Variants in CPLANE1 observed in about 807,000 individuals in gnomAD.
CPLANE1 encodes ciliogenesis and planar polarity effector complex subunit 1, also known as ciliogenesis and planar polarity effector 1.
CPLANE1 carries 263 observed loss-of-function variants against 362.5 expected under a neutral mutation model. That is an observed-to-expected ratio of 0.73 (90% CI 0.66 to 0.80). CPLANE1 has a LOEUF of 0.80. Ranked by LOEUF, CPLANE1 falls within the 30% of genes least tolerant of loss-of-function variation. The probability of loss-of-function intolerance (pLI) is 0.00; values close to 1 mark genes in which losing one functional copy is unlikely to be tolerated. For synonymous variants in CPLANE1, 1,212 were observed against 1,302.6 expected (o/e 0.93, Z 1.50); for missense variants, 3,461 against 3,793.4 (o/e 0.91, Z 2.30).
At chr5:37,215,739 CTTTTTTTTTTTT>C (rs567527656) in intron 15 of CPLANE1, among the ~76,000 whole-genome samples, 3 of 95,224 alleles carry the variant, frequency 3.2e-5, no homozygotes, top group South Asian at 4.0e-4. Flanking sequence ...CTTCTCTTTC[CTTTTTTTTTTTT>C]TTTTTTTTTT....
At chr5:37,098,257 T>A in the CPLANE1 span, among the ~76,000 whole-genome samples, 1 of 151,528 alleles carries the variant, frequency 6.6e-6, no homozygotes, top group East Asian at 1.9e-4. Context: ...CTGGGCATGG[T>A]GGCAGGCACC....
At chr5:37,086,850 G>A in the CPLANE1 span, among the ~76,000 whole-genome samples, 2 of 152,104 alleles carry the variant, frequency 1.3e-5, no homozygotes, top group Non-Finnish European at 2.9e-5. Flanking sequence ...GTTAAGTCAG[G>A]GTCTGCAGGA....
chr5:37,183,449 T>G lies in CPLANE1; in HGVS notation c.4732A>C (p.Thr1578Pro). 6.2e-7 allele frequency: 1 copy of G among 1,613,544 alleles called. No homozygotes were observed. Among genetic ancestry groups the G allele is most frequent in the Non-Finnish European group, 8.5e-7 (1 of 1,179,628 alleles). ...YSRDADIPFL[T>P]SFSGKLREHE... The stretch of plus-strand genomic sequence containing the variant: ...TCTCTAAGCTTTCCAGAAAAACTAG[T>G]TAGAAATGGAATGTCAGCATCCCTG... Residue 1578 changes from threonine (T) to proline (P), a missense_variant, in exon 26 of 53, where the codon ACT becomes CCT. This residue lies in a region of CPLANE1 where 3,380 missense variants were observed against 3,666.1 expected (regional missense o/e 0.92). Coordinates refer to ENST00000651892, the MANE Select transcript of CPLANE1 (RefSeq NM_001384732.1).
intron 8 of CPLANE1, among the ~76,000 whole-genome samples, chr5:37,231,497 G>A (rs1049992321): frequency 3.3e-5 from 5 of 151,894 alleles, no homozygotes; most frequent in African/African-American, 9.7e-5. Context: ...AACTGGGGAG[G>A]CAGAGGTTGC....
At position 37,120,316 on chromosome 5, in the gene CPLANE1, A is replaced by G. The variant is rs777044024; in HGVS notation, c.9210T>C (p.Phe3070=). 1 of 1,590,434 alleles carries G rather than the reference A, an allele frequency of 6.3e-7. No homozygotes were observed. Among genetic ancestry groups the G allele is most frequent in the Non-Finnish European group, 8.5e-7 (1 of 1,172,124 alleles). ...PRGENQHGHS[F]LINRPGKVKY... ...TGACTTTTCCAGGTCGATTTATTAG[A>G]AAACTGTGACCATGTTGATTCTCTC... Residue 3070 remains phenylalanine (F), a synonymous_variant, in exon 50 of 53, where the codon TTT becomes TTC. Coordinates refer to ENST00000651892, the MANE Select transcript of CPLANE1 (RefSeq NM_001384732.1).
rs374144275 is a variant in CPLANE1 at position 37,120,306 on chromosome 5, G to A, written c.9220C>T (p.Arg3074Ter). 3.5e-5 allele frequency: 55 copies of A among 1,592,296 alleles called. No individual in the cohort carries two copies. The African/African-American group carries it at 6.4e-4, about 18-fold the overall frequency. The change falls in exon 50 of 53, where the codon CGA becomes TGA. Residue 3074 changes from arginine to a stop codon, truncating the protein, a stop_gained. Coordinates refer to ENST00000651892, the MANE Select transcript of CPLANE1 (RefSeq NM_001384732.1). LOFTEE classifies it high-confidence loss of function. ...GACATATATTTGACTTTTCCAGGTC[G>A]ATTTATTAGAAAACTGTGACCATGT... is the stretch of plus-strand genomic sequence containing the variant. ...NQHGHSFLIN[R>*]PGKVKYMSKP... is the part of the protein sequence containing the mutation.
intron 48 of CPLANE1, among the ~76,000 whole-genome samples, chr5:37,122,108 A>C (rs1263054687): frequency 6.6e-6 from 1 of 152,182 alleles, no homozygotes; most frequent in Non-Finnish European, 1.5e-5. Context: ...CAGATTTCTG[A>C]AAATGATTAG....
Position 37,219,975 on chromosome 5 carries a change from A to G in CPLANE1, c.2746+1349T>C, listed in dbSNP as rs555398484. 2.6e-5 allele frequency among the ~76,000 whole-genome samples: 4 copies of G among 152,246 alleles called. No homozygotes were observed. In the South Asian group the frequency reaches 8.3e-4, roughly 32 times the overall value. On this transcript the variant is annotated intron_variant, in intron 15 of 52. Coordinates refer to ENST00000651892, the MANE Select transcript of CPLANE1 (RefSeq NM_001384732.1). ...AAAGATAAAAATCAGAAAGTAAGCC[A>G]AGCACAGTGGCTCACACCTATAATC...
Position 37,169,310 on chromosome 5 carries a change from G to A in CPLANE1, c.6714C>T (p.Pro2238=), listed in dbSNP as rs1368027920. 6.2e-7 allele frequency: 1 copy of A among 1,613,988 alleles called. No homozygotes were observed. Among genetic ancestry groups the A allele is most frequent in the Non-Finnish European group, 8.5e-7 (1 of 1,180,028 alleles). The change falls in exon 34 of 53, where the codon CCC becomes CCT. Residue 2238 remains proline (P), a synonymous_variant. Transcript: ENST00000651892. ...GAATACTTCCTGTATGTAAGAAAAG[G>A]GGCTGGAATTCTTGTTTAGACTTAA... ...LQFKSKQEFQ[P]LFLHTGSIPQ... is the part of the protein sequence containing the mutation.
rs1791948734 is a variant in CPLANE1 at position 37,209,407 on chromosome 5, G to C, written c.2921-2982C>G. 4 of 1,263,758 alleles carry C rather than the reference G, an allele frequency of 3.2e-6. No homozygotes were observed. The highest frequency in any genetic ancestry group is 3.5e-6 in the Non-Finnish European group (3 of 863,294). The allele number at this position is 1,263,758 out of a possible 1,614,324, so 78.3% of individuals were successfully genotyped here. A position where few individuals can be genotyped will look rare whatever the true frequency, so the allele number is the denominator to read the frequency against. ...ATGCTCCCCGTGGCTGATGTGTTGA[G>C]TCAAAATGAACTGCGCAAAAAGCTA... On this transcript the variant is annotated intron_variant, in intron 16 of 52. Transcript: ENST00000651892. The surrounding 1 kb of genome is among the most constrained non-coding windows in gnomAD (Gnocchi z 4.6).
chr5:37,106,541 A>G lies in CPLANE1; in HGVS notation c.*1061T>C, dbSNP rs1219835730. The G allele has an allele frequency of 4.7e-6, 2 of 425,638 alleles. No individual in the cohort carries two copies. Among genetic ancestry groups the G allele is most frequent in the Non-Finnish European group, 6.3e-6 (2 of 318,154 alleles). 26.4% of individuals were successfully genotyped at this position (425,638 alleles called of 1,614,324 possible). ...ACAATTTAAAATATTTTAAATGACA[A>G]AACAATTAAATGACAATTAACAATA... On this transcript the variant is annotated 3_prime_UTR_variant, in exon 53 of 53. Coordinates refer to ENST00000651892, the MANE Select transcript of CPLANE1 (RefSeq NM_001384732.1).
At chr5:37,187,165 A>AT (rs1784321249) in intron 23 of CPLANE1, among the ~76,000 whole-genome samples, 1 of 150,798 alleles carries the variant, frequency 6.6e-6, no homozygotes, top group South Asian at 2.1e-4. Context: ...TTTGACCAAG[A>AT]TCTCCCCATT....
At chr5:37,108,971 G>A (rs1333475965) in intron 51 of CPLANE1, among the ~76,000 whole-genome samples, 1 of 152,152 alleles carries the variant, frequency 6.6e-6, no homozygotes, top group African/African-American at 2.4e-5. Flanking sequence ...AGTATTTGTT[G>A]AAAAGAAATT....
At chr5:37,153,340 G>C (rs1026010405) in intron 42 of CPLANE1, among the ~76,000 whole-genome samples, 1 of 152,142 alleles carries the variant, frequency 6.6e-6, no homozygotes, top group Non-Finnish European at 1.5e-5. Flanking sequence ...ATATAGAAGA[G>C]AGGGTAATAT....
intron 16 of CPLANE1, chr5:37,212,062 G>A (rs1269400089): frequency 3.3e-6 from 3 of 898,284 alleles, no homozygotes; most frequent in Admixed American, 1.7e-5. Flanking sequence ...AGAAGGCAGA[G>A]TAACCTACAA....
At chr5:37,108,619 G>C in intron 51 of CPLANE1, 148 bp from the exon 52 acceptor site, 3 of 736,946 alleles carry the variant, frequency 4.1e-6, no homozygotes, top group Non-Finnish European at 6.5e-6. Context: ...GTTCACTTTA[G>C]AGTTCGAACA....
downstream of CPLANE1, among the ~76,000 whole-genome samples, chr5:37,102,970 T>A (rs997431842): frequency 1.3e-5 from 2 of 152,194 alleles, no homozygotes; most frequent in Non-Finnish European, 2.9e-5. Context: ...GTCTTGATGA[T>A]CTAATATTGT....
Position 37,201,631 on chromosome 5 carries a change from G to A in CPLANE1, c.3467C>T (p.Ala1156Val). The A allele has an allele frequency of 6.2e-7, 1 of 1,614,126 alleles. No homozygotes were observed. The highest frequency in any genetic ancestry group is 8.5e-7 in the Non-Finnish European group (1 of 1,179,990). ...TGGCTGGGGACAGTACAATGGAGGA[G>A]CTGGAAGATACAAGCCGAATGGCAC... ...GLVPFGLYLP[A>V]PPLYCPQPAI... The change falls in exon 19 of 53, where the codon GCT becomes GTT. Residue 1156 changes from alanine (A) to valine (V), a missense_variant. Physicochemically the swap from Ala to Val is moderately conservative, Grantham distance 64. Coordinates refer to ENST00000651892, the MANE Select transcript of CPLANE1 (RefSeq NM_001384732.1).
the CPLANE1 span, among the ~76,000 whole-genome samples, chr5:37,094,777 A>G: frequency 3.3e-5 from 5 of 152,202 alleles, no homozygotes; most frequent in South Asian, 6.2e-4. Flanking sequence ...CAAAAATACA[A>G]AAGATCATTC....
Sources: allele counts gnomAD v4.1 joint callset (sites outside exome capture counted in the v4.1 genomes callset), GRCh38; gene constraint gnomAD v4.1.1; regional missense constraint gnomAD v4.1.1; non-coding constraint Gnocchi (gnomAD v3.1); transcripts MANE v1.5; gene names NCBI Gene and HGNC (gene_info 2026-07-23, HGNC 2026-07-21).